The following OSBPL6 variants were observed in gnomAD, a reference collection of about 807,000 sequenced individuals.
OSBPL6 encodes the protein oxysterol-binding protein-related protein 6.
Under a neutral mutation model 125.8 loss-of-function variants are expected in OSBPL6, and 49 were observed. The observed-to-expected ratio is 0.39, with a 90% CI of 0.31 to 0.49. The LOEUF (loss-of-function observed/expected upper bound fraction) is 0.49. OSBPL6 is among the 20% of genes least tolerant of loss of function. The pLI is 0.88. For missense variants in OSBPL6, 986 were observed against 1,135.4 expected (o/e 0.87, Z 1.89); for synonymous variants, 394 against 391.8 (o/e 1.01, Z -0.07).
chr2:178,202,744 C>T (rs2089321093), intron 1 of OSBPL6, among the ~76,000 whole-genome samples: 1 of 151,480 alleles, frequency 6.6e-6, no homozygotes, highest in Non-Finnish European at 1.5e-5. Context: ...ATCACTTGAA[C>T]CTGGGAGGCA....
intron 12 of OSBPL6, among the ~76,000 whole-genome samples, chr2:178,355,615 A>G (rs1691709768): frequency 6.6e-6 from 1 of 152,214 alleles, no homozygotes; most frequent in African/African-American, 2.4e-5. Context: ...AACCAAAAAA[A>G]GTACAGGACC....
intron 13 of OSBPL6, among the ~76,000 whole-genome samples, chr2:178,362,259 AT>A (rs1285428795): frequency 1.3e-5 from 2 of 152,084 alleles, no homozygotes; most frequent in Non-Finnish European, 2.9e-5. Context: ...AAAATTACTG[AT>A]TACTATCACT....
intron 13 of OSBPL6, among the ~76,000 whole-genome samples, chr2:178,366,140 C>T (rs1355217996): frequency 6.6e-6 from 1 of 152,240 alleles, no homozygotes; most frequent in Non-Finnish European, 1.5e-5. Context: ...AATCCTCCCA[C>T]CTCGGACTCC....
intron 12 of OSBPL6, among the ~76,000 whole-genome samples, chr2:178,357,822 T>C (rs1691949830): frequency 6.6e-6 from 1 of 152,168 alleles, no homozygotes; most frequent in Non-Finnish European, 1.5e-5. Flanking sequence ...CAGCAGAGTC[T>C]TGGAACCAAC....
At chr2:178,286,640 A>C (rs963258318) in intron 2 of OSBPL6, among the ~76,000 whole-genome samples, 2 of 152,134 alleles carry the variant, frequency 1.3e-5, no homozygotes, top group Non-Finnish European at 2.9e-5. Context: ...GGAGGGTGTC[A>C]TCTCAGGGTC....
intron 3 of OSBPL6, chr2:178,320,108 A>G: frequency 1.6e-6 from 1 of 613,918 alleles, no homozygotes; most frequent in East Asian, 3.3e-5. Context: ...GATCTCCTGG[A>G]CTCTCATTTT....
rs145862155 is a variant in OSBPL6, at chr2:178,384,272, A to T, written c.2013+96A>T. Reference sequence around the variant, plus strand: ...CGATAACAATCTGTTGGGATGGGTTATGATACCAGTTGTGAATTCGAAGTA... The same window carrying T: ...CGATAACAATCTGTTGGGATGGGTTTTGATACCAGTTGTGAATTCGAAGTA... On this transcript the variant is annotated intron_variant, in intron 18 of 24. Transcript: ENST00000190611. 1.6e-4 allele frequency: 232 copies of T among 1,452,830 alleles called. No individual in the cohort carries two copies. In the African/African-American group the frequency reaches 3.1e-3, roughly 19 times the overall value. 90.0% of individuals were successfully genotyped at this position (1,452,830 alleles called of 1,614,324 possible).
chr2:178,246,963 A>G (rs1302071823), intron 1 of OSBPL6, among the ~76,000 whole-genome samples: 1 of 151,938 alleles, frequency 6.6e-6, no homozygotes, highest in African/African-American at 2.4e-5. Context: ...GAATGAATGA[A>G]TCTGGTTCCA....
intron 13 of OSBPL6, among the ~76,000 whole-genome samples, chr2:178,365,437 C>T (rs551805780): frequency 1.8e-4 from 28 of 152,264 alleles, no homozygotes; most frequent in African/African-American, 5.8e-4. Context: ...CAAGGCTGGA[C>T]AGTCTAATGA....
intron 12 of OSBPL6, among the ~76,000 whole-genome samples, chr2:178,352,068 C>T (rs551906948): frequency 6.6e-6 from 1 of 152,298 alleles, no homozygotes; most frequent in South Asian, 2.1e-4. Context: ...GCTAATGGCA[C>T]TCTTCCAAGA....
chr2:178,365,222 A>G (rs2154100735), intron 13 of OSBPL6, among the ~76,000 whole-genome samples: 1 of 152,286 alleles, frequency 6.6e-6, no homozygotes, highest in Non-Finnish European at 1.5e-5. Context: ...TAAAACTTTT[A>G]AAGCCTATGT....
rs569368437 is a variant in OSBPL6 at position 178,282,260 on chromosome 2, G to GGACACACACACAC, written c.-350-2666_-350-2654dup. ...TTTATTTACATAGGCAGGTAGCCAA[G>GGACACACACACAC]GACACACACACACAGCATATGTGAT... On this transcript the variant is annotated intron_variant, in intron 1 of 24. Transcript: ENST00000190611. Among the ~76,000 whole-genome samples, 1,407 of 152,316 alleles carry GGACACACACACAC rather than the reference G, an allele frequency of 9.2e-3. 12 individuals are homozygous for GGACACACACACAC. The highest frequency in any genetic ancestry group is 0.02 in the Middle Eastern group (6 of 294).
At chr2:178,332,615 C>T in intron 6 of OSBPL6, 26 bp from the exon 7 acceptor site, 1 of 1,485,872 alleles carries the variant, frequency 6.7e-7, no homozygotes, top group Non-Finnish European at 9.4e-7. Context: ...ATCCTTTCAG[C>T]CTATTTACTA....
intron 1 of OSBPL6, among the ~76,000 whole-genome samples, chr2:178,282,723 C>T (rs1574738934): frequency 6.6e-6 from 1 of 152,184 alleles, no homozygotes; most frequent in South Asian, 2.1e-4. Context: ...ATGATCTCAG[C>T]TCACTTCAAT....
intron 2 of OSBPL6, among the ~76,000 whole-genome samples, chr2:178,300,912 C>T (rs1320408436): frequency 6.6e-6 from 1 of 152,054 alleles, no homozygotes; most frequent in Admixed American, 6.6e-5. Flanking sequence ...AGTCAGTATG[C>T]TGCAAAAGCC....
intron 21 of OSBPL6, among the ~76,000 whole-genome samples, chr2:178,390,836 G>A (rs1185375937): frequency 1.3e-5 from 2 of 152,196 alleles, no homozygotes; most frequent in African/African-American, 4.8e-5. Flanking sequence ...GATAGAAGCT[G>A]AGCCTTCTCT....
chr2:178,240,525 G>A (rs2091247141), intron 1 of OSBPL6, among the ~76,000 whole-genome samples: 1 of 151,822 alleles, frequency 6.6e-6, no homozygotes, highest in African/African-American at 2.4e-5. Flanking sequence ...CCGAGATCCT[G>A]CCGCTGCACT....
intron 1 of OSBPL6, among the ~76,000 whole-genome samples, chr2:178,247,671 C>T (rs1440419027): frequency 6.6e-6 from 1 of 152,114 alleles, no homozygotes; most frequent in East Asian, 1.9e-4. Flanking sequence ...TCCAGACTCC[C>T]TCATCTTTGG....
intron 3 of OSBPL6, among the ~76,000 whole-genome samples, chr2:178,314,105 C>T (rs994865430): frequency 6.6e-6 from 1 of 152,224 alleles, no homozygotes. Flanking sequence ...GTAGCATCTT[C>T]AAATCGCTCT....
Sources: gnomAD v4.1 joint callset for allele counts (sites outside exome capture counted in the v4.1 genomes callset) on GRCh38, gnomAD v4.1.1 for gene constraint, MANE v1.5 for transcripts, NCBI Gene and HGNC (gene_info 2026-07-23, HGNC 2026-07-21) for gene names.